The following PPARG variants were observed in gnomAD, a reference collection of about 807,000 sequenced individuals.
PPARG encodes the protein peroxisome proliferator activated receptor gamma, also known as peroxisome proliferator-activated receptor gamma.
In PPARG, 17 loss-of-function variants were observed where a neutral mutation model predicts 39.2. That is an observed-to-expected ratio of 0.43 (90% CI 0.30 to 0.65). The LOEUF (loss-of-function observed/expected upper bound fraction) is 0.65, where lower values mean the gene tolerates loss of function less well. PPARG is among the 30% of genes least tolerant of loss of function. The pLI, the probability that PPARG is intolerant of heterozygous loss-of-function variation, is 0.13. For missense variants in PPARG, 406 were observed against 585.9 expected, an observed-to-expected ratio of 0.69 and a Z score of 3.17; for synonymous variants, 223 against 215.7, an observed-to-expected ratio of 1.03 and a Z score of -0.30.
At chr3:12,429,629 A>C (rs906127926) in intron 7 of PPARG, among the ~76,000 whole-genome samples, 3 of 151,658 alleles carry the variant, frequency 2.0e-5, no homozygotes, top group African/African-American at 4.8e-5. Context: ...AGTGTCTAGT[A>C]AGCAGAGGCC....
intron 1 of PPARG, among the ~76,000 whole-genome samples, chr3:12,296,812 C>T (rs758348111): frequency 3.3e-4 from 50 of 152,064 alleles, no homozygotes; most frequent in Non-Finnish European, 6.8e-4. Flanking sequence ...GATGATCGGC[C>T]CTAGAGGACT....
At chr3:12,290,968 A>G (rs2124919273) in intron 1 of PPARG, among the ~76,000 whole-genome samples, 1 of 152,296 alleles carries the variant, frequency 6.6e-6, no homozygotes, top group South Asian at 2.1e-4. Context: ...TTCCCAATGC[A>G]TAGGACAGAG....
chr3:12,417,688 C>T (rs2051109240), intron 7 of PPARG, among the ~76,000 whole-genome samples: 3 of 152,112 alleles, frequency 2.0e-5, no homozygotes, highest in Non-Finnish European at 4.4e-5. Flanking sequence ...GTGGATTCCT[C>T]TGATGGCTTC....
chr3:12,294,007 G>T (rs774682117), intron 1 of PPARG, among the ~76,000 whole-genome samples: 2 of 152,212 alleles, frequency 1.3e-5, no homozygotes, highest in South Asian at 4.1e-4. Context: ...TCCTGGCAGG[G>T]TTAGTTCACT....
chr3:12,426,283 T>C (rs1218910046), intron 7 of PPARG, among the ~76,000 whole-genome samples: 1 of 152,280 alleles, frequency 6.6e-6, no homozygotes, highest in Non-Finnish European at 1.5e-5. Flanking sequence ...GCGAAGGCTC[T>C]ACCAGCAACA....
At chr3:12,323,411 G>A (rs1369047981) in intron 2 of PPARG, among the ~76,000 whole-genome samples, 1 of 151,188 alleles carries the variant, frequency 6.6e-6, no homozygotes, top group African/African-American at 2.5e-5. Context: ...CAAAGGTGGA[G>A]TTTAAAAGAG....
intron 2 of PPARG, among the ~76,000 whole-genome samples, chr3:12,321,862 T>G (rs969763224): frequency 1.3e-5 from 2 of 152,256 alleles, no homozygotes; most frequent in East Asian, 3.8e-4. Context: ...AGAGACCATG[T>G]TCAGGGATCC....
At chr3:12,343,091 C>T (rs1001247080) in intron 2 of PPARG, among the ~76,000 whole-genome samples, 1 of 152,168 alleles carries the variant, frequency 6.6e-6, no homozygotes, top group Admixed American at 6.5e-5. Context: ...CAGCCTGAAA[C>T]AGTAGGTCTA....
intron 6 of PPARG, among the ~76,000 whole-genome samples, chr3:12,413,039 TG>T (rs1320972286): frequency 2.6e-5 from 4 of 152,214 alleles, no homozygotes; most frequent in African/African-American, 9.6e-5. Flanking sequence ...GACTCCACTT[TG>T]CTTTGTAAAA....
intron 2 of PPARG, among the ~76,000 whole-genome samples, chr3:12,316,720 C>T (rs1325935563): frequency 6.7e-6 from 1 of 148,892 alleles, no homozygotes; most frequent in East Asian, 2.0e-4. Context: ...CCTTAGGAAC[C>T]TTTTTTTTTT....
intron 2 of PPARG, among the ~76,000 whole-genome samples, chr3:12,378,389 T>G (rs1348915174): frequency 6.6e-6 from 1 of 152,120 alleles, no homozygotes; most frequent in East Asian, 1.9e-4. Context: ...GATGAATGGA[T>G]TTTTGAAAAC....
chr3:12,402,076 C>G (rs189880326), intron 5 of PPARG, among the ~76,000 whole-genome samples: 9 of 152,214 alleles, frequency 5.9e-5, no homozygotes, highest in South Asian at 2.1e-4. Flanking sequence ...GAAAAAATTG[C>G]TTTTCTAGGT....
At chr3:12,292,923 C>T (rs925007917) in intron 1 of PPARG, among the ~76,000 whole-genome samples, 3 of 152,096 alleles carry the variant, frequency 2.0e-5, no homozygotes, top group Non-Finnish European at 2.9e-5. Flanking sequence ...GCTATAAAGC[C>T]CAAGTAGGGA....
At chr3:12,414,264 A>G (rs953228706) in intron 6 of PPARG, among the ~76,000 whole-genome samples, 1 of 152,176 alleles carries the variant, frequency 6.6e-6, no homozygotes, top group African/African-American at 2.4e-5. Context: ...GTACTCCTGC[A>G]TGTGCAGTTG....
At chr3:12,378,368 A>G (rs2049495796) in intron 2 of PPARG, among the ~76,000 whole-genome samples, 1 of 152,178 alleles carries the variant, frequency 6.6e-6, no homozygotes, top group African/African-American at 2.4e-5. Flanking sequence ...AAATCAACCT[A>G]AGTGTCAATG....
At chr3:12,306,605 A>G (rs549326152) in intron 1 of PPARG, among the ~76,000 whole-genome samples, 115 of 152,292 alleles carry the variant, frequency 7.6e-4, no homozygotes, top group African/African-American at 2.7e-3. Context: ...TCCACATTTA[A>G]CAATTAGACC....
rs187258317 is a variant in PPARG, at chr3:12,371,185, A to G, written c.-8-8519A>G. Among the ~76,000 whole-genome samples, 308 of 152,182 alleles carry G rather than the reference A, an allele frequency of 2.0e-3. 1 individual carries two copies. The highest frequency in any genetic ancestry group is 7.3e-3 in the African/African-American group (304 of 41,530). Reference sequence around the variant, plus strand: ...ATTATCTAATTTAATCCTCACAACAACTCTAGGAGGGAGACAATATTAATA... The same window carrying G: ...ATTATCTAATTTAATCCTCACAACAGCTCTAGGAGGGAGACAATATTAATA... On this transcript the variant is annotated intron_variant, in intron 2 of 7. Transcript: ENST00000651735.
intron 5 of PPARG, among the ~76,000 whole-genome samples, chr3:12,400,759 A>G (rs1417897799): frequency 6.6e-6 from 1 of 152,224 alleles, no homozygotes; most frequent in Non-Finnish European, 1.5e-5. Flanking sequence ...AGTACTATGT[A>G]GACATTTGTA....
At chr3:12,316,630 C>G (rs941496979) in intron 2 of PPARG, among the ~76,000 whole-genome samples, 1 of 151,480 alleles carries the variant, frequency 6.6e-6, no homozygotes, top group Non-Finnish European at 1.5e-5. Context: ...AAAAAAGTAA[C>G]AAGTCTTCAG....
Sources: gnomAD v4.1 joint callset for allele counts (sites outside exome capture counted in the v4.1 genomes callset) on GRCh38, gnomAD v4.1.1 for gene constraint, MANE v1.5 for transcripts, NCBI Gene and HGNC (gene_info 2026-07-23, HGNC 2026-07-21) for gene names.